ITGBL1: variants seen among roughly 807,000 people sequenced by gnomAD.
ITGBL1 encodes integrin subunit beta like 1, also known as integrin beta-like protein 1.
In ITGBL1, 51 loss-of-function variants were observed where a neutral mutation model predicts 68.5. The ratio of observed to expected loss-of-function variants is 0.74; its 90% CI spans 0.59 to 0.94. ITGBL1 has a LOEUF of 0.94. ITGBL1 is among the 40% of genes least tolerant of loss of function. ITGBL1 has a pLI of 0.00. For missense variants in ITGBL1, 649 were observed against 647.4 expected (o/e 1.00, Z -0.03); for synonymous variants, 209 against 227.3 (o/e 0.92, Z 0.72).
intron 3 of ITGBL1, 146 bp downstream of exon 3, chr13:101,567,991 T>A: frequency 3.0e-6 from 2 of 672,548 alleles, no homozygotes; most frequent in Admixed American, 6.5e-5. Context: ...GATAAATCAA[T>A]AGAAAAAAAA....
intron 2 of ITGBL1, among the ~76,000 whole-genome samples, chr13:101,480,349 A>C (rs1030732832): frequency 3.3e-5 from 5 of 151,984 alleles, no homozygotes; most frequent in Admixed American, 6.6e-5. Context: ...GAGGGGTGGA[A>C]GTGGGAATGA....
intron 2 of ITGBL1, among the ~76,000 whole-genome samples, chr13:101,512,564 C>T (rs1358631798): frequency 2.6e-5 from 4 of 152,088 alleles, no homozygotes; most frequent in African/African-American, 4.8e-5. Context: ...ATTTAAACAC[C>T]TCATCAAAGA....
intron 2 of ITGBL1, among the ~76,000 whole-genome samples, chr13:101,544,922 G>A (rs920224882): frequency 2.6e-5 from 4 of 152,216 alleles, no homozygotes; most frequent in Non-Finnish European, 5.9e-5. Flanking sequence ...ATTAGGAAAA[G>A]TGACCCGATT....
chr13:101,460,959 C>T (rs2139621525), intron 2 of ITGBL1, among the ~76,000 whole-genome samples: 1 of 152,302 alleles, frequency 6.6e-6, no homozygotes, highest in South Asian at 2.1e-4. Flanking sequence ...CACATTTCAA[C>T]ATGAGATTTG....
chr13:101,634,962 G>GTGTGTGTGTA (rs2032117262), intron 7 of ITGBL1, among the ~76,000 whole-genome samples: 1 of 151,848 alleles, frequency 6.6e-6, no homozygotes, highest in South Asian at 2.1e-4. Context: ...GTGTGTGTGT[G>GTGTGTGTGTA]TGTGTGTGTA....
At chr13:101,671,666 C>CT (rs374793426) in intron 7 of ITGBL1, among the ~76,000 whole-genome samples, 3,057 of 151,630 alleles carry the variant, frequency 0.02, 98 homozygotes, top group African/African-American at 0.07. Flanking sequence ...TCTCGATCTC[C>CT]TGACCTCATG....
intron 2 of ITGBL1, among the ~76,000 whole-genome samples, chr13:101,523,343 T>G (rs1189383039): frequency 6.6e-6 from 1 of 152,180 alleles, no homozygotes; most frequent in African/African-American, 2.4e-5. Context: ...CAAACCATCC[T>G]CTTTGTGAGA....
In ITGBL1 at chr13:101,471,524, GTGTATGTA is replaced by G. The variant is rs1291766193; in HGVS notation, c.316+17428_316+17435del. On this transcript the variant is annotated intron_variant, in intron 2 of 10. Transcript: ENST00000376180. ...CACAAATATATATGTGTGTGTGTGT[GTGTATGTA>G]TGTGTGTGTGTGTGTGTGTGTGTGT... 2.9e-3 allele frequency among the ~76,000 whole-genome samples: 226 copies of G among 77,960 alleles called. 1 individual carries two copies. Among genetic ancestry groups the G allele is most frequent in the African/African-American group, 0.011 (176 of 15,922 alleles). The allele number at this position is 77,960 out of a possible 152,430, so 51.1% of individuals were successfully genotyped here.
intron 7 of ITGBL1, among the ~76,000 whole-genome samples, chr13:101,617,170 T>C (rs1428800348): frequency 6.6e-6 from 1 of 152,146 alleles, no homozygotes; most frequent in Non-Finnish European, 1.5e-5. Flanking sequence ...CTAAGTAAAT[T>C]AGTAAATTAT....
At chr13:101,497,652 G>A (rs1197982385) in intron 2 of ITGBL1, among the ~76,000 whole-genome samples, 1 of 152,184 alleles carries the variant, frequency 6.6e-6, no homozygotes, top group Admixed American at 6.5e-5. Flanking sequence ...GAGTTCCTGA[G>A]CAAAGGTGCT....
chr13:101,453,791 C>A, intron 1 of ITGBL1, 92 bp from the exon 2 acceptor site: 1 of 813,906 alleles, frequency 1.2e-6, no homozygotes, highest in Non-Finnish European at 1.6e-6. Flanking sequence ...ACGTCTGCAC[C>A]TGGAGGGGAC....
intron 7 of ITGBL1, among the ~76,000 whole-genome samples, chr13:101,679,197 C>T (rs1425237504): frequency 1.3e-5 from 2 of 152,122 alleles, no homozygotes; most frequent in African/African-American, 2.4e-5. Context: ...TGAGCCACCG[C>T]GCCTGGCCGA....
At chr13:101,500,469 T>C (rs1168109882) in intron 2 of ITGBL1, among the ~76,000 whole-genome samples, 2 of 152,216 alleles carry the variant, frequency 1.3e-5, no homozygotes, top group African/African-American at 4.8e-5. Context: ...GAGCGAAATG[T>C]TCTTTCTGAA....
chr13:101,522,510 C>T (rs1017577583), intron 2 of ITGBL1, among the ~76,000 whole-genome samples: 2 of 152,066 alleles, frequency 1.3e-5, no homozygotes, highest in Admixed American at 6.6e-5. Context: ...TGATCAGAAC[C>T]GTGATTTAGG....
intron 7 of ITGBL1, among the ~76,000 whole-genome samples, chr13:101,654,911 A>T (rs546596549): frequency 6.6e-6 from 1 of 152,290 alleles, no homozygotes; most frequent in East Asian, 1.9e-4. Context: ...GGCAGATTTC[A>T]GTTAGAGCAA....
At chr13:101,490,418 A>G (rs2048760118) in intron 2 of ITGBL1, among the ~76,000 whole-genome samples, 1 of 152,206 alleles carries the variant, frequency 6.6e-6, no homozygotes, top group Non-Finnish European at 1.5e-5. Context: ...GACACACTTG[A>G]TAAGTAGCTA....
chr13:101,461,464 TG>T (rs1194705941), intron 2 of ITGBL1, among the ~76,000 whole-genome samples: 1 of 152,046 alleles, frequency 6.6e-6, no homozygotes, highest in Non-Finnish European at 1.5e-5. Context: ...GAAGTTGAGG[TG>T]GGAGGATCCT....
intron 4 of ITGBL1, among the ~76,000 whole-genome samples, chr13:101,578,773 T>TA (rs2050405508): frequency 6.6e-6 from 1 of 152,202 alleles, no homozygotes; most frequent in Non-Finnish European, 1.5e-5. Flanking sequence ...CTCTTTCACA[T>TA]GGTGGAACAC....
At chr13:101,577,463 C>T (rs9518452) in intron 4 of ITGBL1, among the ~76,000 whole-genome samples, 28,709 of 152,042 alleles carry the variant, frequency 0.19, 2,918 homozygotes, top group East Asian at 0.23. Context: ...CCTGCATAGA[C>T]GTGTATTGTT....
Sources: gnomAD v4.1 joint callset for allele counts (sites outside exome capture counted in the v4.1 genomes callset) on GRCh38, gnomAD v4.1.1 for gene constraint, MANE v1.5 for transcripts, NCBI Gene and HGNC (gene_info 2026-07-23, HGNC 2026-07-21) for gene names.